Variants in CCSER1 observed in about 807,000 individuals in gnomAD.
CCSER1 encodes coiled-coil serine rich protein 1.
CCSER1 carries 41 observed loss-of-function variants against 82.0 expected under a neutral mutation model. That is an observed-to-expected ratio of 0.50 (90% CI 0.39 to 0.65). CCSER1 has a LOEUF of 0.65. Among genes scored for constraint, CCSER1 ranks in the 30% least tolerant of loss-of-function variants. The pLI is 0.00. For synonymous variants in CCSER1, 414 were observed against 383.9 expected (o/e 1.08, Z -0.92); for missense variants, 1,119 against 1,064.2 (o/e 1.05, Z -0.72).
intron 5 of CCSER1, among the ~76,000 whole-genome samples, chr4:90,561,357 C>T (rs1287262199): frequency 1.3e-5 from 2 of 152,162 alleles, no homozygotes; most frequent in Non-Finnish European, 2.9e-5. Context: ...CCAGGGTGCC[C>T]TGGAGAACAC....
At chr4:91,474,800 TATATATATATATACACAC>T (rs1560700641) in intron 10 of CCSER1, among the ~76,000 whole-genome samples, 2 of 89,074 alleles carry the variant, frequency 2.2e-5, no homozygotes, top group African/African-American at 4.8e-5. Flanking sequence ...TATATATATA[TATATATATATATACACAC>T]ACACACACAC....
At chr4:91,428,314 T>C (rs1754105884) in intron 10 of CCSER1, among the ~76,000 whole-genome samples, 1 of 152,052 alleles carries the variant, frequency 6.6e-6, no homozygotes, top group African/African-American at 2.4e-5. Context: ...TGTAATGAAA[T>C]TGAGTTAAAC....
At chr4:90,824,165 G>A (rs554936589) in intron 8 of CCSER1, among the ~76,000 whole-genome samples, 82 of 151,692 alleles carry the variant, frequency 5.4e-4, no homozygotes, top group African/African-American at 9.4e-4. Context: ...ATCCCTTTTC[G>A]TGTTATTCAA....
intron 6 of CCSER1, among the ~76,000 whole-genome samples, chr4:90,658,097 CTG>C (rs1250041301): frequency 6.6e-6 from 1 of 152,116 alleles, no homozygotes; most frequent in Non-Finnish European, 1.5e-5. Context: ...GAGTGAGACT[CTG>C]TCTCGAAAAT....
chr4:90,704,902 C>T (rs1738998297), intron 6 of CCSER1, among the ~76,000 whole-genome samples: 1 of 152,176 alleles, frequency 6.6e-6, no homozygotes. Context: ...TTTTTAGCTT[C>T]TTTTAATGGG....
chr4:90,853,156 A>C (rs550266550), intron 8 of CCSER1, among the ~76,000 whole-genome samples: 3 of 152,180 alleles, frequency 2.0e-5, no homozygotes, highest in Non-Finnish European at 4.4e-5. Context: ...ACCTCTGTTC[A>C]TACCCTACTA....
chr4:91,305,826 C>T (rs554321344), intron 10 of CCSER1, among the ~76,000 whole-genome samples: 12 of 152,042 alleles, frequency 7.9e-5, no homozygotes, highest in African/African-American at 2.2e-4. Flanking sequence ...AGGAGCAAGG[C>T]GCCTCTTACA....
intron 4 of CCSER1, among the ~76,000 whole-genome samples, chr4:90,435,260 G>C (rs867449373): frequency 6.6e-6 from 1 of 150,898 alleles, no homozygotes; most frequent in Non-Finnish European, 1.5e-5. Context: ...TAAAGCTTCT[G>C]TTTATTGAAT....
chr4:91,085,905 A>T (rs981459760), intron 9 of CCSER1, 45 bp from the exon 10 acceptor site: 1 of 1,065,972 alleles, frequency 9.4e-7, no homozygotes, highest in Non-Finnish European at 1.4e-6. Flanking sequence ...ATTATTATTT[A>T]ATTCTTCGTT....
chr4:91,308,053 G>C (rs1270338966), intron 10 of CCSER1, among the ~76,000 whole-genome samples: 1 of 151,722 alleles, frequency 6.6e-6, no homozygotes, highest in Non-Finnish European at 1.5e-5. Context: ...CTAAAATTTT[G>C]GAAAATAATC....
intron 5 of CCSER1, among the ~76,000 whole-genome samples, chr4:90,545,255 A>G (rs1403754563): frequency 1.3e-5 from 2 of 152,088 alleles, no homozygotes; most frequent in Admixed American, 6.6e-5. Context: ...ATGCATACAT[A>G]TATGTGACTT....
rs1183027376 is a variant in CCSER1 at position 91,573,888 on chromosome 4, T to C, written c.2218-24684T>C. Among the ~76,000 whole-genome samples the C allele has an allele frequency of 2.6e-5, 4 of 152,006 alleles. No homozygotes were observed. In the East Asian group the frequency reaches 7.7e-4, roughly 29 times the overall value. On this transcript the variant is annotated intron_variant, in intron 10 of 10. Transcript: ENST00000509176. ...AACAATGAACTATTCAAAAAAGAAA[T>C]TAAGAAAGCAATCCCACTTAAAATT...
chr4:90,383,653 A>G (rs1045026168), intron 3 of CCSER1, among the ~76,000 whole-genome samples: 1 of 151,976 alleles, frequency 6.6e-6, no homozygotes, highest in Non-Finnish European at 1.5e-5. Flanking sequence ...TCAGGCCAAA[A>G]ACACATATAT....
At chr4:90,484,263 A>C (rs1015436193) in intron 5 of CCSER1, among the ~76,000 whole-genome samples, 1 of 151,826 alleles carries the variant, frequency 6.6e-6, no homozygotes, top group Admixed American at 6.6e-5. Context: ...TATTCTAGTT[A>C]TCCATTCATC....
At chr4:90,156,849 AATTGGAAC>A (rs1322244904) in intron 1 of CCSER1, among the ~76,000 whole-genome samples, 2 of 152,158 alleles carry the variant, frequency 1.3e-5, no homozygotes, top group East Asian at 3.8e-4. Flanking sequence ...TGTGTCTTTT[AATTGGAAC>A]ATTTAGTCCA....
intron 10 of CCSER1, among the ~76,000 whole-genome samples, chr4:91,178,336 G>T (rs1040688662): frequency 6.6e-6 from 1 of 152,122 alleles, no homozygotes; most frequent in Non-Finnish European, 1.5e-5. Context: ...TCTGCTTGGT[G>T]CAGAGCTGAG....
chr4:91,232,312 TA>T (rs1227753965), intron 10 of CCSER1, among the ~76,000 whole-genome samples: 2 of 151,884 alleles, frequency 1.3e-5, no homozygotes, highest in Non-Finnish European at 2.9e-5. Context: ...AGCGAAAGCT[TA>T]AAAACAATCT....
intron 8 of CCSER1, among the ~76,000 whole-genome samples, chr4:90,867,652 A>G (rs900137427): frequency 6.6e-5 from 10 of 151,830 alleles, no homozygotes; most frequent in Non-Finnish European, 1.2e-4. Flanking sequence ...ATCTAAGTAT[A>G]TTTTTTTACT....
intron 5 of CCSER1, among the ~76,000 whole-genome samples, chr4:90,623,759 C>T (rs1316069766): frequency 6.6e-6 from 1 of 152,130 alleles, no homozygotes; most frequent in Non-Finnish European, 1.5e-5. Flanking sequence ...CCTAAAATAA[C>T]ACTCTCAGAC....
Sources: gnomAD v4.1 joint callset for allele counts (sites outside exome capture counted in the v4.1 genomes callset) on GRCh38, gnomAD v4.1.1 for gene constraint, MANE v1.5 for transcripts, NCBI Gene and HGNC (gene_info 2026-07-23, HGNC 2026-07-21) for gene names.